JAM3: variants seen among roughly 807,000 people sequenced by gnomAD.
JAM3 encodes junctional adhesion molecule C.
JAM3 carries 31 observed loss-of-function variants against 39.4 expected under a neutral mutation model. That is an observed-to-expected ratio of 0.79 (90% confidence interval 0.59 to 1.06). JAM3 has a LOEUF of 1.06. Among genes scored for constraint, JAM3 ranks in the 50% least tolerant of loss-of-function variants. The probability of loss-of-function intolerance (pLI) is 0.00; values close to 1 mark genes in which losing one functional copy is unlikely to be tolerated. For missense variants in JAM3, 455 were observed against 391.4 expected (o/e 1.16, Z -1.37); for synonymous variants, 182 against 148.7 (o/e 1.22, Z -1.63).
At chr11:134,128,066 GT>G (rs1942686391) in intron 1 of JAM3, among the ~76,000 whole-genome samples, 1 of 151,416 alleles carries the variant, frequency 6.6e-6, no homozygotes, top group African/African-American at 2.4e-5. Flanking sequence ...GTTGCTTACA[GT>G]TTAAAAAAAA....
chr11:134,131,182 C>T (rs368695238), intron 1 of JAM3, among the ~76,000 whole-genome samples: 6 of 139,522 alleles, frequency 4.3e-5, no homozygotes, highest in African/African-American at 1.1e-4. Flanking sequence ...AGGAGTACCC[C>T]TGCACAGAGC....
At chr11:134,117,354 G>A (rs955588708) in intron 1 of JAM3, among the ~76,000 whole-genome samples, 4 of 151,180 alleles carry the variant, frequency 2.6e-5, no homozygotes, top group African/African-American at 9.8e-5. Context: ...TCCAGCCTGG[G>A]CGACAAGAGC....
At position 134,149,854 on chromosome 11, in the gene JAM3, C is replaced by T. The variant is rs1447968792; in HGVS notation, c.*673C>T. ...GGTGTCAGGATTTAAGGAAAACCTT[C>T]GTCTTAGGCTAAGTCTGAAATGGTA... On this transcript the variant is annotated 3_prime_UTR_variant, in exon 9 of 9. Coordinates refer to ENST00000299106, the MANE Select transcript of JAM3 (RefSeq NM_032801.5). 2 of 317,830 alleles carry T rather than the reference C, an allele frequency of 6.3e-6. No individual in the cohort carries two copies. The highest frequency in any genetic ancestry group is 2.7e-5 in the South Asian group (1 of 37,234). 19.7% of individuals were successfully genotyped at this position (317,830 alleles called of 1,614,324 possible). A position where few individuals can be genotyped will look rare whatever the true frequency, so the allele number is the denominator to read the frequency against.
intron 1 of JAM3, among the ~76,000 whole-genome samples, chr11:134,121,581 CTA>C (rs1942533039): frequency 1.3e-5 from 2 of 151,974 alleles, no homozygotes; most frequent in South Asian, 2.1e-4. Flanking sequence ...TGACATCTCT[CTA>C]TGTCAAACTG....
At chr11:134,135,532 T>C (rs1390879613) in intron 1 of JAM3, among the ~76,000 whole-genome samples, 1 of 148,394 alleles carries the variant, frequency 6.7e-6, no homozygotes, top group Non-Finnish European at 1.5e-5. Flanking sequence ...TTTTTATCTA[T>C]CCTTTTTTTT....
intron 1 of JAM3, among the ~76,000 whole-genome samples, chr11:134,116,101 G>A (rs983375368): frequency 4.6e-5 from 7 of 152,062 alleles, no homozygotes; most frequent in Non-Finnish European, 7.4e-5. Flanking sequence ...TAGGAGTTCA[G>A]CCCACACTCA....
intron 1 of JAM3, among the ~76,000 whole-genome samples, chr11:134,089,316 T>C (rs974475659): frequency 8.6e-5 from 13 of 151,840 alleles, no homozygotes; most frequent in Non-Finnish European, 1.6e-4. Context: ...TTTCTTTTTC[T>C]TTTTTTTATT....
chr11:134,079,168 C>G (rs538566808), intron 1 of JAM3, among the ~76,000 whole-genome samples: 174 of 152,126 alleles, frequency 1.1e-3, no homozygotes, highest in African/African-American at 4.1e-3. Flanking sequence ...TTAAGGATGG[C>G]GCTCTGTTAT....
At chr11:134,095,579 C>T (rs1039375403) in intron 1 of JAM3, among the ~76,000 whole-genome samples, 21 of 151,340 alleles carry the variant, frequency 1.4e-4, no homozygotes, top group African/African-American at 4.1e-4. Context: ...TGTAGTGAGC[C>T]GAGATCGCGC....
intron 6 of JAM3, chr11:134,147,956 C>T (rs1943109308): frequency 6.4e-6 from 1 of 155,790 alleles, no homozygotes; most frequent in African/African-American, 2.4e-5. Context: ...ATGAAAGTGA[C>T]CCAGTGCCTT....
chr11:134,105,054 A>G (rs1443982500), intron 1 of JAM3, among the ~76,000 whole-genome samples: 1 of 152,192 alleles, frequency 6.6e-6, no homozygotes, highest in African/African-American at 2.4e-5. Context: ...ACACAAAAAA[A>G]GAGAATTTTA....
At position 134,140,677 on chromosome 11, in the gene JAM3, A is replaced by G; in HGVS notation, c.163A>G (p.Ile55Val). ...EFESVELSCIITDSQTSDPRI... is the reference protein window; with the variant it reads ...EFESVELSCIVTDSQTSDPRI... ...GTTAGGTGTGGAACTGTCTTGCATC[A>G]TTACGGATTCGCAGACAAGTGACCC... The change falls in exon 3 of 9, where the codon ATT (isoleucine) becomes GTT (valine). Residue 55 changes from isoleucine to valine, a missense_variant. Ile to Val is a conservative substitution (Grantham distance 29). Transcript: ENST00000299106. The G allele has an allele frequency of 2.5e-6, 4 of 1,613,606 alleles. No homozygotes were observed. Among genetic ancestry groups the G allele is most frequent in the South Asian group, 1.1e-5 (1 of 91,060 alleles).
chr11:134,143,438 T>C (rs895977782), intron 3 of JAM3, among the ~76,000 whole-genome samples: 13 of 152,358 alleles, frequency 8.5e-5, no homozygotes, highest in African/African-American at 3.1e-4. Flanking sequence ...CTCACTGTGT[T>C]GCACAGGCTG....
At chr11:134,139,939 G>A (rs754175068) in intron 2 of JAM3, 23 bp downstream of exon 2, 12 of 1,561,192 alleles carry the variant, frequency 7.7e-6, no homozygotes, top group Non-Finnish European at 7.1e-6. Context: ...GAAATGCCTA[G>A]GATAATGGGC....
intron 1 of JAM3, among the ~76,000 whole-genome samples, chr11:134,102,241 C>A (rs755140626): frequency 6.6e-6 from 1 of 152,164 alleles, no homozygotes; most frequent in Non-Finnish European, 1.5e-5. Context: ...CTGCTGATAA[C>A]CCAGGCAAAC....
At chr11:134,125,419 G>C (rs1300245860) in intron 1 of JAM3, among the ~76,000 whole-genome samples, 2 of 152,078 alleles carry the variant, frequency 1.3e-5, no homozygotes, top group Non-Finnish European at 2.9e-5. Flanking sequence ...TTTCCTTTTC[G>C]TACAGATCCT....
chr11:134,139,728 A>G (rs1422023675), intron 1 of JAM3, 123 bp from the exon 2 acceptor site: 15 of 777,198 alleles, frequency 1.9e-5, no homozygotes, highest in Non-Finnish European at 3.5e-5. Flanking sequence ...ATTGTGGAAT[A>G]TTTTTCCATC....
Position 134,083,764 on chromosome 11 carries a change from A to G in JAM3, c.76+14605A>G, listed in dbSNP as rs151225438. Reference sequence around the variant, plus strand: ...AAGCCTCCATGATGGGTCCTTTTCTATACCTCCTCTGTAGTGGAGTAAGGA... The same window carrying G: ...AAGCCTCCATGATGGGTCCTTTTCTGTACCTCCTCTGTAGTGGAGTAAGGA... On this transcript the variant is annotated intron_variant, in intron 1 of 8. Coordinates refer to ENST00000299106, the MANE Select transcript of JAM3 (RefSeq NM_032801.5). Among the ~76,000 whole-genome samples, 105 of 152,216 alleles carry G rather than the reference A, an allele frequency of 6.9e-4. No individual in the cohort carries two copies. The East Asian group carries it at 0.018, about 26-fold the overall frequency.
chr11:134,081,937 C>T (rs573428547), intron 1 of JAM3, among the ~76,000 whole-genome samples: 3 of 152,364 alleles, frequency 2.0e-5, no homozygotes, highest in Admixed American at 2.0e-4. Flanking sequence ...GAACCCACCT[C>T]TTTTATCAGT....
Sources: gnomAD v4.1 joint callset for allele counts (sites outside exome capture counted in the v4.1 genomes callset) on GRCh38, gnomAD v4.1.1 for gene constraint, MANE v1.5 for transcripts, NCBI Gene and HGNC (gene_info 2026-07-23, HGNC 2026-07-21) for gene names.